C17orf75: variants seen among roughly 807,000 people sequenced by gnomAD.
C17orf75 encodes the protein chromosome 17 open reading frame 75.
C17orf75 carries 32 observed loss-of-function variants against 49.6 expected under a neutral mutation model. The ratio of observed to expected loss-of-function variants is 0.65; its 90% confidence interval spans 0.49 to 0.87. C17orf75 has a LOEUF of 0.87. C17orf75 is among the 40% of genes least tolerant of loss of function. C17orf75 has a pLI of 0.00. For synonymous variants in C17orf75, 158 were observed against 159.5 expected (o/e 0.99, Z 0.07); for missense variants, 428 against 473.9 (o/e 0.90, Z 0.90).
At chr17:32,349,365 TGAGCCCAG>T (rs1258080273) in intron 1 of C17orf75, among the ~76,000 whole-genome samples, 1 of 151,624 alleles carries the variant, frequency 6.6e-6, no homozygotes, top group African/African-American at 2.4e-5. Context: ...GCGGATCACT[TGAGCCCAG>T]GAGTTCGAGA....
chr17:32,334,331 C>G (rs975196083), intron 8 of C17orf75, 138 bp downstream of exon 8: 32 of 1,107,216 alleles, frequency 2.9e-5, no homozygotes, highest in Non-Finnish European at 3.9e-5. Context: ...TTGTTTTCAC[C>G]AAGTGGTTTC....
At chr17:32,333,182 T>C (rs1436752674) in intron 9 of C17orf75, among the ~76,000 whole-genome samples, 1 of 152,190 alleles carries the variant, frequency 6.6e-6, no homozygotes, top group Non-Finnish European at 1.5e-5. Context: ...AAGTCACAAA[T>C]TGTAAGACTG....
upstream of C17orf75, chr17:32,343,626 T>C: frequency 2.1e-6 from 1 of 485,658 alleles, no homozygotes; most frequent in Non-Finnish European, 3.7e-6. Flanking sequence ...GATGAACAAG[T>C]GAGTATAGCA....
intron 9 of C17orf75, 88 bp from the exon 10 acceptor site, chr17:32,332,066 A>G: frequency 2.8e-6 from 3 of 1,062,352 alleles, no homozygotes; most frequent in South Asian, 3.1e-5. Flanking sequence ...AGAACTCAAC[A>G]TATCTTCCTG....
chr17:32,332,658 C>A (rs2041287309), intron 9 of C17orf75, among the ~76,000 whole-genome samples: 1 of 152,122 alleles, frequency 6.6e-6, no homozygotes, highest in African/African-American at 2.4e-5. Flanking sequence ...TCCAGCTACT[C>A]AGGAGGCTGA....
chr17:32,343,823 CTT>C, upstream of C17orf75: 1 of 673,134 alleles, frequency 1.5e-6, no homozygotes, highest in South Asian at 1.5e-5. Flanking sequence ...GCAGTAGTCT[CTT>C]GAGATATACT....
intron 3 of C17orf75, 100 bp downstream of exon 3, chr17:32,339,713 T>A: frequency 1.4e-6 from 2 of 1,476,016 alleles, no homozygotes; most frequent in Non-Finnish European, 1.8e-6. Context: ...TAAAGACAAA[T>A]TCTGCAGGTC....
chr17:32,338,764 T>C (rs2041350313), intron 3 of C17orf75, among the ~76,000 whole-genome samples: 1 of 152,210 alleles, frequency 6.6e-6, no homozygotes, highest in Non-Finnish European at 1.5e-5. Context: ...ACCTGTATGC[T>C]AACTTCACGG....
chr17:32,340,468 G>A (rs1423174549), intron 2 of C17orf75, among the ~76,000 whole-genome samples: 4 of 151,722 alleles, frequency 2.6e-5, no homozygotes, highest in South Asian at 2.1e-4. Flanking sequence ...GTGAAACCCC[G>A]TCTCTACTAA....
intron 5 of C17orf75, among the ~76,000 whole-genome samples, chr17:32,336,462 C>T (rs569682840): frequency 3.3e-5 from 5 of 152,328 alleles, no homozygotes; most frequent in African/African-American, 9.6e-5. Context: ...GATCTGCCCG[C>T]TTTGGCCTCT....
At position 32,328,555 on chromosome 17, in the gene C17orf75, T is replaced by C. The variant is rs1319014010; in HGVS notation, c.*3208A>G. 6.6e-6 allele frequency: 1 copy of C among 152,222 alleles called. No individual in the cohort carries two copies. The highest frequency in any genetic ancestry group is 1.5e-5 in the Non-Finnish European group (1 of 68,046). The allele number at this position is 152,222 out of a possible 1,614,324, so 9.4% of individuals were successfully genotyped here. ...CTCTGTGTGTACAGCACACAAGTAA[T>C]ATACACAAATATATTCCATGTCTGA... is the stretch of plus-strand genomic sequence containing the variant. On this transcript the variant is annotated 3_prime_UTR_variant, in exon 10 of 10. Transcript: ENST00000577809.
upstream of C17orf75, chr17:32,342,256 T>G: frequency 5.9e-6 from 8 of 1,365,406 alleles, no homozygotes; most frequent in Non-Finnish European, 7.6e-6. Flanking sequence ...TTCCGCTGGT[T>G]TCCCCGGGTT....
chr17:32,330,875 A>T lies in C17orf75; in HGVS notation c.*888T>A, dbSNP rs530337738. 5 of 152,056 alleles carry T rather than the reference A, an allele frequency of 3.3e-5. No homozygotes were observed. Among genetic ancestry groups the T allele is most frequent in the African/African-American group, 1.2e-4 (5 of 41,464 alleles). The allele number at this position is 152,056 out of a possible 1,614,324, so 9.4% of individuals were successfully genotyped here. ...ATAATTATTTTTTTTTTTGAGACAG[A>T]GTCTCGCTCTGTCGCCCAGGCTGGA... On this transcript the variant is annotated 3_prime_UTR_variant, in exon 10 of 10. Transcript: ENST00000577809.
chr17:32,345,094 T>C (rs117862560), upstream of C17orf75, among the ~76,000 whole-genome samples: 432 of 152,286 alleles, frequency 2.8e-3, 2 homozygotes, highest in Non-Finnish European at 3.5e-3. Context: ...AAAGGGTATA[T>C]ATAAAATAAT....
upstream of C17orf75, among the ~76,000 whole-genome samples, chr17:32,344,847 C>T (rs986197353): frequency 4.6e-5 from 7 of 150,786 alleles, no homozygotes; most frequent in Non-Finnish European, 8.9e-5. Context: ...GCAGAGGTTG[C>T]AGTGAGCCGA....
intron 1 of C17orf75, among the ~76,000 whole-genome samples, chr17:32,347,572 A>G (rs1201397985): frequency 1.3e-5 from 2 of 152,132 alleles, no homozygotes; most frequent in Non-Finnish European, 2.9e-5. Context: ...GTGAGCCACC[A>G]CCACACCCAC....
At chr17:32,349,344 G>A (rs1458828918) in intron 1 of C17orf75, among the ~76,000 whole-genome samples, 1 of 151,848 alleles carries the variant, frequency 6.6e-6, no homozygotes, top group Non-Finnish European at 1.5e-5. Flanking sequence ...CACTTTGGGA[G>A]GCCGAGGCGG....
chr17:32,334,843 T>C lies in C17orf75; in HGVS notation c.670-4A>G, dbSNP rs746667576. 3 of 1,602,600 alleles carry C rather than the reference T, an allele frequency of 1.9e-6. No homozygotes were observed. The African/African-American group carries it at 4.0e-5, about 22-fold the overall frequency. ...CAACAGGAGTGTAACTCAAAGCCTA[T>C]GAGAGAAAAATAAAGCCTGATTGGT... On this transcript the variant is annotated splice_polypyrimidine_tract_variant and splice_region_variant and intron_variant, in intron 6 of 9. Transcript: ENST00000577809.
chr17:32,349,828 C>G, intron 1 of C17orf75: 1 of 777,242 alleles, frequency 1.3e-6, no homozygotes, highest in South Asian at 5.1e-5. Context: ...TCAATTGAAA[C>G]AAAATTAAAA....
Sources: gnomAD v4.1 joint callset for allele counts (sites outside exome capture counted in the v4.1 genomes callset) on GRCh38, gnomAD v4.1.1 for gene constraint, MANE v1.5 for transcripts, NCBI Gene and HGNC (gene_info 2026-07-23, HGNC 2026-07-21) for gene names.